Variants in RBFOX1 observed in about 807,000 individuals in gnomAD.
RBFOX1 encodes the protein RNA binding fox-1 homolog 1.
RBFOX1 carries 8 observed loss-of-function variants against 57.7 expected under a neutral mutation model. That is an observed-to-expected ratio of 0.14 (90% confidence interval 0.08 to 0.25). The LOEUF (loss-of-function observed/expected upper bound fraction) is 0.25, where lower values mean the gene tolerates loss of function less well. Ranked by LOEUF, RBFOX1 falls within the 10% of genes least tolerant of loss-of-function variation. The probability of loss-of-function intolerance (pLI) is 1.00; values close to 1 mark genes in which losing one functional copy is unlikely to be tolerated. For synonymous variants in RBFOX1, 326 were observed against 222.4 expected, an observed-to-expected ratio of 1.47 and a Z score of -4.15; for missense variants, 611 against 548.5, an observed-to-expected ratio of 1.11 and a Z score of -1.14.
intron 3 of RBFOX1, among the ~76,000 whole-genome samples, chr16:6,988,249 G>A (rs998702836): frequency 6.6e-6 from 1 of 152,108 alleles, no homozygotes; most frequent in Admixed American, 6.5e-5. Flanking sequence ...GTTTTTCCAG[G>A]CAGGACTTTC....
chr16:7,301,315 C>T (rs1467113067), intron 4 of RBFOX1, among the ~76,000 whole-genome samples: 1 of 152,186 alleles, frequency 6.6e-6, no homozygotes, highest in African/African-American at 2.4e-5. Context: ...ATTGTGTTTG[C>T]ATGCACTGGT....
intron 2 of RBFOX1, among the ~76,000 whole-genome samples, chr16:6,454,388 C>G (rs558022184): frequency 3.9e-5 from 6 of 152,134 alleles, no homozygotes; most frequent in Non-Finnish European, 7.4e-5. Flanking sequence ...AGAACCATAT[C>G]TCTACTAAAA....
intron 1 of RBFOX1, among the ~76,000 whole-genome samples, chr16:6,079,277 G>C (rs1387803429): frequency 6.6e-6 from 1 of 152,166 alleles, no homozygotes; most frequent in African/African-American, 2.4e-5. Context: ...CTGCACTGCA[G>C]CCTGGACAAC....
At chr16:7,698,623 G>C (rs948400564) in intron 14 of RBFOX1, among the ~76,000 whole-genome samples, 1 of 152,128 alleles carries the variant, frequency 6.6e-6, no homozygotes, top group Non-Finnish European at 1.5e-5. Context: ...TGATCCTTCA[G>C]CAAGTCTCAT....
chr16:6,903,462 G>C (rs549603773), intron 3 of RBFOX1, among the ~76,000 whole-genome samples: 3 of 152,300 alleles, frequency 2.0e-5, no homozygotes, highest in South Asian at 4.1e-4. Context: ...ATCTGTCTTT[G>C]AATTCTCTAG....
At chr16:6,480,356 C>A (rs538490105) in intron 2 of RBFOX1, among the ~76,000 whole-genome samples, 1 of 152,308 alleles carries the variant, frequency 6.6e-6, no homozygotes, top group African/African-American at 2.4e-5. Flanking sequence ...CTTGGTCTCT[C>A]ACAGACACTA....
chr16:6,391,310 C>T (rs967737601), intron 2 of RBFOX1, among the ~76,000 whole-genome samples: 1 of 152,078 alleles, frequency 6.6e-6, no homozygotes, highest in South Asian at 2.1e-4. Flanking sequence ...GAGATCCAGA[C>T]CATCCTGGCT....
chr16:6,942,407 C>T (rs186082610), intron 3 of RBFOX1, among the ~76,000 whole-genome samples: 3 of 152,236 alleles, frequency 2.0e-5, no homozygotes, highest in East Asian at 1.9e-4. Context: ...CCACCCTCTC[C>T]GTCAGCCTCC....
At chr16:5,553,371 A>C (rs2045541591) in intron 2 of RBFOX1, among the ~76,000 whole-genome samples, 1 of 150,750 alleles carries the variant, frequency 6.6e-6, no homozygotes, top group Non-Finnish European at 1.5e-5. Context: ...GCCAGAGTGC[A>C]GTGGCACAAT....
intron 4 of RBFOX1, among the ~76,000 whole-genome samples, chr16:5,906,009 G>A (rs1028794728): frequency 1.3e-5 from 2 of 152,198 alleles, no homozygotes; most frequent in African/African-American, 4.8e-5. Flanking sequence ...AGGCAGGGGA[G>A]GATGCTGTCT....
In RBFOX1 at chr16:7,329,748, A is replaced by G. The variant is rs573723478; in HGVS notation, c.28-188399A>G. On this transcript the variant is annotated intron_variant, in intron 4 of 15. Coordinates refer to ENST00000550418, the MANE Select transcript of RBFOX1 (RefSeq NM_018723.4). The stretch of plus-strand genomic sequence containing the variant: ...GGGACAGCCCTTATTTTCACACAAG[A>G]TAAGGAAGATATTTGTAACTCAAGA... Among the ~76,000 whole-genome samples, 4 of 152,308 alleles carry G rather than the reference A, an allele frequency of 2.6e-5. No individual in the cohort carries two copies. The East Asian group carries it at 7.7e-4, about 29-fold the overall frequency.
intron 4 of RBFOX1, among the ~76,000 whole-genome samples, chr16:7,429,726 A>T (rs2098660061): frequency 6.6e-6 from 1 of 152,200 alleles, no homozygotes; most frequent in South Asian, 2.1e-4. Context: ...TACAATTTTT[A>T]TTGGGAAAAG....
intron 2 of RBFOX1, among the ~76,000 whole-genome samples, chr16:6,563,223 G>A (rs1194614622): frequency 1.3e-5 from 2 of 152,086 alleles, no homozygotes; most frequent in Non-Finnish European, 2.9e-5. Context: ...TGACTTCCAA[G>A]ACAATTTTAG....
At chr16:7,328,477 CAAAAAAA>C (rs58553232) in intron 4 of RBFOX1, among the ~76,000 whole-genome samples, 3 of 60,742 alleles carry the variant, frequency 4.9e-5, no homozygotes, top group South Asian at 7.7e-4. Flanking sequence ...GACTCTGTCT[CAAAAAAA>C]AAAAAAAAAA....
rs545389631 is a variant in RBFOX1, at chr16:6,809,020, G to A, written c.-16+154370G>A. Among the ~76,000 whole-genome samples the A allele has an allele frequency of 2.1e-3, 319 of 152,274 alleles. 1 individual carries two copies. Among genetic ancestry groups the A allele is most frequent in the Middle Eastern group, 3.4e-3 (1 of 294 alleles). ...ACAAGACTGAAAACCTGACTTAGGA[G>A]TATGCACCTGTAACAATAGTTGAGT... On this transcript the variant is annotated intron_variant, in intron 3 of 15. Transcript: ENST00000550418.
At chr16:7,199,276 C>G (rs544782667) in intron 4 of RBFOX1, among the ~76,000 whole-genome samples, 1 of 152,072 alleles carries the variant, frequency 6.6e-6, no homozygotes, top group African/African-American at 2.4e-5. Context: ...ATAAATACAC[C>G]AAAGTGCCCT....
At chr16:5,461,037 C>A (rs575262697) in intron 1 of RBFOX1, among the ~76,000 whole-genome samples, 2 of 152,220 alleles carry the variant, frequency 1.3e-5, no homozygotes, top group East Asian at 3.9e-4. Context: ...GTCTCATTTT[C>A]TCTACTGGGG....
At chr16:5,382,764 G>A (rs760525851) in intron 1 of RBFOX1, among the ~76,000 whole-genome samples, 5 of 152,228 alleles carry the variant, frequency 3.3e-5, no homozygotes, top group Non-Finnish European at 2.9e-5. Context: ...AAATTAAAGA[G>A]CAAACATCAG....
chr16:7,497,259 T>G (rs1357080056), intron 4 of RBFOX1, among the ~76,000 whole-genome samples: 1 of 152,194 alleles, frequency 6.6e-6, no homozygotes, highest in Non-Finnish European at 1.5e-5. Context: ...TCACCACACC[T>G]ATACTCCAGC....
Sources: gnomAD v4.1 joint callset for allele counts (sites outside exome capture counted in the v4.1 genomes callset) on GRCh38, gnomAD v4.1.1 for gene constraint, MANE v1.5 for transcripts, NCBI Gene and HGNC (gene_info 2026-07-23, HGNC 2026-07-21) for gene names.